The following PACS2 variants were observed in gnomAD, a reference collection of about 807,000 sequenced individuals.
The protein encoded by PACS2 is phosphofurin acidic cluster sorting protein 2.
A neutral mutation model predicts 113.0 loss-of-function variants in PACS2; 36 were observed. The observed-to-expected ratio is 0.32, with a 90% confidence interval of 0.24 to 0.42. The LOEUF (loss-of-function observed/expected upper bound fraction) is 0.42, where lower values mean the gene tolerates loss of function less well. Ranked by LOEUF, PACS2 falls within the 10% of genes least tolerant of loss-of-function variation. The probability of loss-of-function intolerance (pLI) is 1.00; values close to 1 mark genes in which losing one functional copy is unlikely to be tolerated. For missense variants in PACS2, 1,015 were observed against 1,239.5 expected, an observed-to-expected ratio of 0.82 and a Z score of 2.72; for synonymous variants, 589 against 536.1, an observed-to-expected ratio of 1.10 and a Z score of -1.36.
chr14:105,314,136 GGCCACCTCCTT>G (rs1189506016), upstream of PACS2, among the ~76,000 whole-genome samples: 148 of 152,310 alleles, frequency 9.7e-4, 1 homozygote, highest in Non-Finnish European at 4.4e-5. Flanking sequence ...CGCCAGGCCC[GGCCACCTCCTT>G]GCCACCTCCC....
At chr14:105,369,929 C>T in intron 8 of PACS2, 29 bp downstream of exon 8, 1 of 1,579,278 alleles carries the variant, frequency 6.3e-7, no homozygotes, top group East Asian at 2.3e-5. Context: ...CTGCTCGCGG[C>T]CCCCACGCCT....
At chr14:105,372,983 T>C (rs1371309426) in intron 8 of PACS2, 7 of 152,092 alleles carry the variant, frequency 4.6e-5, no homozygotes, top group East Asian at 1.9e-4. Flanking sequence ...CCAATAGATA[T>C]ATTAAAAACT....
At chr14:105,372,400 C>A (rs1319859757) in intron 8 of PACS2, 3 of 152,204 alleles carry the variant, frequency 2.0e-5, no homozygotes, top group Non-Finnish European at 4.4e-5. Flanking sequence ...ACACCATGTG[C>A]AGAATTCAGC....
At chr14:105,374,635 CG>C (rs1278943146) in intron 8 of PACS2, 1 of 152,140 alleles carries the variant, frequency 6.6e-6, no homozygotes, top group African/African-American at 2.4e-5. Context: ...TTAAAGACAC[CG>C]GGAGGACACC....
intron 1 of PACS2, among the ~76,000 whole-genome samples, chr14:105,328,889 C>G (rs1209938435): frequency 6.6e-6 from 1 of 152,214 alleles, no homozygotes; most frequent in Non-Finnish European, 1.5e-5. Flanking sequence ...GCCACTGTGA[C>G]CTGGCAGCAC....
At chr14:105,333,750 A>G (rs1379644200) in intron 1 of PACS2, among the ~76,000 whole-genome samples, 1 of 152,204 alleles carries the variant, frequency 6.6e-6, no homozygotes, top group Admixed American at 6.5e-5. Flanking sequence ...AGGGCTGGCA[A>G]CCGGCCCGGC....
At position 105,381,957 on chromosome 14, in the gene PACS2, T is replaced by C; in HGVS notation, c.1312T>C (p.Leu438=). The C allele has an allele frequency of 4.5e-6, 7 of 1,550,814 alleles. No individual in the cohort carries two copies. The highest frequency in any genetic ancestry group is 6.1e-6 in the Non-Finnish European group (7 of 1,147,160). Residue 438 remains leucine, a synonymous_variant, in exon 13 of 25, where the codon TTG becomes CTG. Transcript: ENST00000447393. Reference sequence around the variant, plus strand: ...TGGCCGACGGGGCCGGAGCACATCCTTGAAGGAGCGGCAGGCAGCACGGCC... The same window carrying C: ...TGGCCGACGGGGCCGGAGCACATCCCTGAAGGAGCGGCAGGCAGCACGGCC... ...QAGRRGRSTS[L]KERQAARPQN...
intron 1 of PACS2, among the ~76,000 whole-genome samples, chr14:105,337,804 G>T (rs587623134): frequency 6.4e-4 from 98 of 152,324 alleles, no homozygotes; most frequent in African/African-American, 2.3e-3. Flanking sequence ...AAACTGGGGG[G>T]CCTGGTGCAG....
chr14:105,381,106 G>C lies in PACS2; in HGVS notation c.1268+7G>C, dbSNP rs781811958. The C allele has an allele frequency of 6.2e-7, 1 of 1,609,664 alleles. No individual in the cohort carries two copies. The highest frequency in any genetic ancestry group is 8.5e-7 in the Non-Finnish European group (1 of 1,177,974). Reference sequence around the variant, plus strand: ...TTGTCATCCCCTCCACCAGGTGATGGGGGCTGCACGGCGGGGCGGGGCGGT... The same window carrying C: ...TTGTCATCCCCTCCACCAGGTGATGCGGGCTGCACGGCGGGGCGGGGCGGT... On this transcript the variant is annotated splice_region_variant and intron_variant, in intron 12 of 24. Coordinates refer to ENST00000447393, the MANE Select transcript of PACS2 (RefSeq NM_001100913.3).
Position 105,381,897 on chromosome 14 carries a change from G to A in PACS2, c.1269-17G>A. ...TCCTGCTGCCACAGCCACTTAGCCTGTCCTGGTCCCCAATAGGTCCGAGGG... is the reference window on the plus strand; with the variant it reads ...TCCTGCTGCCACAGCCACTTAGCCTATCCTGGTCCCCAATAGGTCCGAGGG... On this transcript the variant is annotated splice_polypyrimidine_tract_variant and intron_variant, in intron 12 of 24. Coordinates refer to ENST00000447393, the MANE Select transcript of PACS2 (RefSeq NM_001100913.3). The A allele has an allele frequency of 6.5e-7, 1 of 1,549,396 alleles. No homozygotes were observed. Among genetic ancestry groups the A allele is most frequent in the Non-Finnish European group, 8.7e-7 (1 of 1,146,130 alleles).
At chr14:105,326,695 C>T (rs1259323145) in intron 1 of PACS2, among the ~76,000 whole-genome samples, 4 of 152,224 alleles carry the variant, frequency 2.6e-5, no homozygotes, top group African/African-American at 4.8e-5. Flanking sequence ...TGGGGTGTGG[C>T]CTAGCCAGGG....
At position 105,353,970 on chromosome 14, in the gene PACS2, G is replaced by A. The variant is rs587702896; in HGVS notation, c.298-1082G>A. On this transcript the variant is annotated intron_variant, in intron 3 of 24. Coordinates refer to ENST00000447393, the MANE Select transcript of PACS2 (RefSeq NM_001100913.3). ...CTCATGCCTGTAATCCCAGCACTTC[G>A]GGAGGCCGAGGTAGGTGGCAGGAGA... 4.6e-5 allele frequency among the ~76,000 whole-genome samples: 7 copies of A among 152,108 alleles called. No individual in the cohort carries two copies. The East Asian group carries it at 7.8e-4, about 17-fold the overall frequency.
intron 16 of PACS2, chr14:105,384,150 A>G (rs1228739706): frequency 7.2e-6 from 4 of 557,874 alleles, no homozygotes; most frequent in African/African-American, 1.9e-5. Context: ...ACCTCAGCTC[A>G]GGGCTGGAGC....
chr14:105,391,871 GCCT>G, intron 22 of PACS2, 105 bp downstream of exon 22: 1 of 1,221,548 alleles, frequency 8.2e-7, no homozygotes, highest in Non-Finnish European at 1.1e-6. Context: ...AGGGCACCTG[GCCT>G]GTCAGCCACG....
rs587674109 is a variant in PACS2, at chr14:105,335,700, A to G, written c.120-12793A>G. Reference sequence around the variant, plus strand: ...CACAGCAGCCTCCTTGGCCCTGACCACTGGCCAACGAGGACACTGAGAAGG... The same window carrying G: ...CACAGCAGCCTCCTTGGCCCTGACCGCTGGCCAACGAGGACACTGAGAAGG... On this transcript the variant is annotated intron_variant, in intron 1 of 24. Coordinates refer to ENST00000447393, the MANE Select transcript of PACS2 (RefSeq NM_001100913.3). Among the ~76,000 whole-genome samples the G allele has an allele frequency of 2.2e-4, 33 of 152,260 alleles. No individual in the cohort carries two copies. In the East Asian group the frequency reaches 5.6e-3, roughly 26 times the overall value.
At chr14:105,385,566 GCT>G in intron 18 of PACS2, 117 bp from the exon 19 acceptor site, 1 of 593,492 alleles carries the variant, frequency 1.7e-6, no homozygotes, top group South Asian at 2.5e-5. Flanking sequence ...GCGCTCACGG[GCT>G]CTCCCACGCA....
chr14:105,384,862 GC>G lies in PACS2; in HGVS notation c.1892-15del, dbSNP rs782251891. 172 of 1,469,896 alleles carry G rather than the reference GC, an allele frequency of 1.2e-4. No homozygotes were observed. Among genetic ancestry groups the G allele is most frequent in the Non-Finnish European group, 4.6e-5 (49 of 1,070,488 alleles). 91.1% of individuals were successfully genotyped at this position (1,469,896 alleles called of 1,614,324 possible). ...CCTGGCACCAGCCTAACCCCCCACC[GC>G]CTCCTCCCCCTGCAGTACAGGACAC... On this transcript the variant is annotated splice_polypyrimidine_tract_variant and intron_variant, in intron 17 of 24. Coordinates refer to ENST00000447393, the MANE Select transcript of PACS2 (RefSeq NM_001100913.3).
intron 1 of PACS2, among the ~76,000 whole-genome samples, chr14:105,334,584 C>T (rs1262674557): frequency 6.6e-6 from 1 of 151,468 alleles, no homozygotes; most frequent in South Asian, 2.1e-4. Flanking sequence ...CCAGTATGTG[C>T]GTAGAGCTCC....
intron 3 of PACS2, among the ~76,000 whole-genome samples, chr14:105,353,163 A>G (rs2060286931): frequency 1.1e-5 from 1 of 92,082 alleles, no homozygotes; most frequent in African/African-American, 4.4e-5. Context: ...GGGCACCCCC[A>G]TCACTGTCCC....
Sources: allele counts gnomAD v4.1 joint callset (sites outside exome capture counted in the v4.1 genomes callset), GRCh38; gene constraint gnomAD v4.1.1; transcripts MANE v1.5; gene names NCBI Gene and HGNC (gene_info 2026-07-23, HGNC 2026-07-21).